ANKRD31: variants seen among roughly 807,000 people sequenced by gnomAD.
ANKRD31 encodes ankyrin repeat domain 31.
Under a neutral mutation model 186.0 loss-of-function variants are expected in ANKRD31, and 147 were observed. The ratio of observed to expected loss-of-function variants is 0.79; its 90% CI spans 0.69 to 0.91. The LOEUF (loss-of-function observed/expected upper bound fraction) is 0.91. ANKRD31 is among the 40% of genes least tolerant of loss of function. The probability of loss-of-function intolerance (pLI) is 0.00; values close to 1 mark genes in which losing one functional copy is unlikely to be tolerated. For missense variants in ANKRD31, 1,986 were observed against 2,148.8 expected, an observed-to-expected ratio of 0.92 and a Z score of 1.50; for synonymous variants, 673 against 736.4, an observed-to-expected ratio of 0.91 and a Z score of 1.39.
Position 75,236,504 on chromosome 5 carries a change from C to T in ANKRD31, c.104+79G>A, listed in dbSNP as rs929191688. 7.0e-5 allele frequency: 85 copies of T among 1,219,310 alleles called. No individual in the cohort carries two copies. In the East Asian group the frequency reaches 2.2e-3, roughly 31 times the overall value. The allele number at this position is 1,219,310 out of a possible 1,614,324, so 75.5% of individuals were successfully genotyped here. A position where few individuals can be genotyped will look rare whatever the true frequency, so the allele number is the denominator to read the frequency against. ...ACATGTTCTGGTCACGATCTCCACT[C>T]AAAACTCTGACCCCCTCAGAGGGCA... On this transcript the variant is annotated intron_variant, in intron 1 of 25. Transcript: ENST00000506364.
At chr5:75,155,429 C>T (rs1561484754) in intron 11 of ANKRD31, among the ~76,000 whole-genome samples, 1 of 152,146 alleles carries the variant, frequency 6.6e-6, no homozygotes, top group Non-Finnish European at 1.5e-5. Context: ...TTCTTTTCAG[C>T]AGCTAAGCAA....
At chr5:75,161,261 T>C (rs146037169) in intron 11 of ANKRD31, among the ~76,000 whole-genome samples, 1,771 of 152,264 alleles carry the variant, frequency 0.012, 22 homozygotes, top group South Asian at 0.035. Context: ...TGGTCTCAGA[T>C]GGAGATGAGG....
intron 22 of ANKRD31, among the ~76,000 whole-genome samples, chr5:75,103,282 A>C (rs1747057275): frequency 6.6e-6 from 1 of 152,216 alleles, no homozygotes; most frequent in African/African-American, 2.4e-5. Flanking sequence ...ACAAATGCAA[A>C]TCAAAACCAC....
At chr5:75,199,491 C>A (rs1755677177) in intron 6 of ANKRD31, 140 bp downstream of exon 6, 4 of 485,958 alleles carry the variant, frequency 8.2e-6, no homozygotes, top group Admixed American at 4.2e-5. Context: ...GGTGATTAGA[C>A]AAGAATAGAT....
chr5:75,222,411 T>C, intron 2 of ANKRD31, 53 bp from the exon 3 acceptor site: 2 of 1,279,460 alleles, frequency 1.6e-6, no homozygotes, highest in Non-Finnish European at 2.2e-6. Flanking sequence ...TGCTCTGCTT[T>C]GATAATGGCC....
rs1017720445 is a variant in ANKRD31, at chr5:75,128,419, G to A, written c.3876+9437C>T. Among the ~76,000 whole-genome samples the A allele has an allele frequency of 4.6e-5, 2 of 43,816 alleles. 1 individual carries two copies. The highest frequency in any genetic ancestry group is 1.3e-3 in the African/African-American group (2 of 1,560). The allele number at this position is 43,816 out of a possible 152,430, so 28.7% of individuals were successfully genotyped here. On this transcript the variant is annotated intron_variant, in intron 17 of 25. Transcript: ENST00000506364. ...AGTATAATAAAAATAAAAAAGAAGT[G>A]AGAGCATTCCTCAGGATAATGTTGA...
intron 10 of ANKRD31, among the ~76,000 whole-genome samples, chr5:75,179,142 G>T (rs895398800): frequency 3.3e-5 from 5 of 152,022 alleles, no homozygotes; most frequent in Admixed American, 2.0e-4. Context: ...AGAAGAAATG[G>T]ATAAATTCCT....
intron 24 of ANKRD31, among the ~76,000 whole-genome samples, chr5:75,081,214 G>A (rs1195234202): frequency 2.6e-5 from 4 of 152,164 alleles, no homozygotes; most frequent in African/African-American, 9.7e-5. Flanking sequence ...AAGGTAGCAA[G>A]AAGCTGGTTG....
intron 17 of ANKRD31, among the ~76,000 whole-genome samples, chr5:75,135,050 A>G (rs1034653342): frequency 6.6e-6 from 1 of 152,224 alleles, no homozygotes; most frequent in Admixed American, 6.5e-5. Context: ...ACAAACCCAC[A>G]GCCAATATCA....
At chr5:75,226,060 G>A (rs1320295039) in intron 2 of ANKRD31, among the ~76,000 whole-genome samples, 1 of 152,200 alleles carries the variant, frequency 6.6e-6, no homozygotes, top group African/African-American at 2.4e-5. Context: ...TGGCCATGGG[G>A]TGAGGCTCTC....
At chr5:75,222,159 A>G in intron 3 of ANKRD31, 90 bp downstream of exon 3, 1 of 923,400 alleles carries the variant, frequency 1.1e-6, no homozygotes, top group African/African-American at 1.7e-5. Context: ...CAAAATATAG[A>G]CAAAAAGAAT....
intron 23 of ANKRD31, among the ~76,000 whole-genome samples, chr5:75,085,984 A>G (rs1173873327): frequency 6.6e-6 from 1 of 152,182 alleles, no homozygotes; most frequent in Non-Finnish European, 1.5e-5. Context: ...GGCCTACTCA[A>G]TGTGTCAATC....
At chr5:75,074,169 G>T (rs903578377) in intron 25 of ANKRD31, among the ~76,000 whole-genome samples, 1 of 152,150 alleles carries the variant, frequency 6.6e-6, no homozygotes, top group African/African-American at 2.4e-5. Flanking sequence ...TAAACCCATG[G>T]AAATGAAGCT....
intron 5 of ANKRD31, among the ~76,000 whole-genome samples, chr5:75,201,654 C>T (rs1755829245): frequency 6.6e-6 from 1 of 152,154 alleles, no homozygotes; most frequent in Non-Finnish European, 1.5e-5. Context: ...CTAAGGCTCC[C>T]AATCATCTGA....
intron 23 of ANKRD31, among the ~76,000 whole-genome samples, chr5:75,090,214 G>A (rs1264373235): frequency 1.3e-5 from 2 of 152,192 alleles, no homozygotes; most frequent in African/African-American, 4.8e-5. Context: ...GGGCTAAGAC[G>A]AACTGAAAGC....
At chr5:75,117,258 TGATAAGCTGA>T (rs1748371793) in intron 18 of ANKRD31, among the ~76,000 whole-genome samples, 1 of 152,162 alleles carries the variant, frequency 6.6e-6, no homozygotes, top group African/African-American at 2.4e-5. Flanking sequence ...CAGACTTCCC[TGATAAGCTGA>T]GCTAATCTAA....
At chr5:75,084,689 CTTG>C (rs900147650) in intron 23 of ANKRD31, among the ~76,000 whole-genome samples, 3 of 152,146 alleles carry the variant, frequency 2.0e-5, no homozygotes, top group Non-Finnish European at 4.4e-5. Context: ...TGTGTTGACC[CTTG>C]TTGTGTGATA....
At chr5:75,182,668 G>A (rs188617623) in intron 10 of ANKRD31, among the ~76,000 whole-genome samples, 7 of 151,088 alleles carry the variant, frequency 4.6e-5, no homozygotes, top group South Asian at 2.1e-4. Flanking sequence ...TCAGTGAGCC[G>A]AGATAGCGCC....
chr5:75,167,070 G>C (rs1752977208), intron 11 of ANKRD31, among the ~76,000 whole-genome samples: 2 of 151,728 alleles, frequency 1.3e-5, no homozygotes, highest in Non-Finnish European at 2.9e-5. Flanking sequence ...TTAACCATTA[G>C]TTGTCACTCA....
Sources: gnomAD v4.1 joint callset for allele counts (sites outside exome capture counted in the v4.1 genomes callset) on GRCh38, gnomAD v4.1.1 for gene constraint, MANE v1.5 for transcripts, NCBI Gene and HGNC (gene_info 2026-07-23, HGNC 2026-07-21) for gene names.